The following FBXW10B variants were observed in gnomAD, a reference collection of about 807,000 sequenced individuals.
The protein encoded by FBXW10B is F-box and WD repeat domain containing 10B.
the FBXW10B span, among the ~76,000 whole-genome samples, chr17:15,584,168 G>A: frequency 5.3e-5 from 8 of 152,106 alleles, no homozygotes; most frequent in African/African-American, 7.2e-5. Context: ...ATCCCAACAC[G>A]CTTTTTGATT....
chr17:15,579,146 A>AAAATAAATAAAT, the FBXW10B span, among the ~76,000 whole-genome samples: 557 of 144,816 alleles, frequency 3.8e-3, 10 homozygotes, highest in Admixed American at 0.015. Flanking sequence ...CCCATTTCTT[A>AAAATAAATAAAT]AAATAAATAA....
the FBXW10B span, among the ~76,000 whole-genome samples, chr17:15,612,312 C>T: frequency 6.6e-6 from 1 of 151,658 alleles, no homozygotes; most frequent in Non-Finnish European, 1.5e-5. Context: ...TCAAGACCAT[C>T]GGGGCTAACA....
At chr17:15,579,733 G>T in the FBXW10B span, among the ~76,000 whole-genome samples, 33 of 151,678 alleles carry the variant, frequency 2.2e-4, no homozygotes, top group Non-Finnish European at 4.4e-5. Context: ...TAACAGAAAG[G>T]CCACATTTTT....
the FBXW10B span, among the ~76,000 whole-genome samples, chr17:15,581,950 G>A: frequency 0.2 from 29,722 of 149,978 alleles, 2,584 homozygotes; most frequent in Middle Eastern, 0.24. Context: ...AGATGTCAGA[G>A]TAACACTTGA....
the FBXW10B span, among the ~76,000 whole-genome samples, chr17:15,592,875 C>T: frequency 2.0e-5 from 3 of 152,068 alleles, no homozygotes; most frequent in Non-Finnish European, 4.4e-5. Flanking sequence ...GAGGCCGTGA[C>T]GGGTGGATCA....
the FBXW10B span, chr17:15,605,502 T>C: frequency 2.4e-6 from 3 of 1,228,284 alleles, no homozygotes. Context: ...CCATGACTTT[T>C]GCCTACAGCA....
At chr17:15,590,112 A>G in the FBXW10B span, among the ~76,000 whole-genome samples, 47 of 149,888 alleles carry the variant, frequency 3.1e-4, no homozygotes, top group African/African-American at 1.1e-3. Context: ...ACCGCTCATG[A>G]GCTGTGCATC....
chr17:15,606,393 G>T, the FBXW10B span, among the ~76,000 whole-genome samples: 8 of 147,196 alleles, frequency 5.4e-5, no homozygotes, highest in Non-Finnish European at 1.5e-5. Flanking sequence ...CAGGCGTGGT[G>T]GCATGTGCCT....
At chr17:15,587,418 A>G in the FBXW10B span, among the ~76,000 whole-genome samples, 7 of 151,550 alleles carry the variant, frequency 4.6e-5, no homozygotes, top group African/African-American at 1.7e-4. Context: ...TCAAAATTCC[A>G]TTCTGTTGGG....
At chr17:15,619,563 G>A in the FBXW10B span, 51 of 1,582,954 alleles carry the variant, frequency 3.2e-5, no homozygotes, top group Non-Finnish European at 3.9e-5. Context: ...CAACGGCAAC[G>A]CCACCAAACA....
chr17:15,592,563 A>G, the FBXW10B span, among the ~76,000 whole-genome samples: 1 of 152,080 alleles, frequency 6.6e-6, no homozygotes, highest in Admixed American at 6.5e-5. Flanking sequence ...GCAGTCAGTC[A>G]TGGTACTGGT....
chr17:15,606,043 T>G, the FBXW10B span, among the ~76,000 whole-genome samples: 1 of 140,524 alleles, frequency 7.1e-6, no homozygotes, highest in African/African-American at 2.8e-5. Context: ...AAACTGAGAG[T>G]TTTTTATTGT....
At chr17:15,581,959 G>C in the FBXW10B span, among the ~76,000 whole-genome samples, 1 of 151,612 alleles carries the variant, frequency 6.6e-6, no homozygotes, top group African/African-American at 2.4e-5. Flanking sequence ...AGTAACACTT[G>C]AACTGGAAGC....
At chr17:15,613,757 A>G in the FBXW10B span, 1 of 1,613,678 alleles carries the variant, frequency 6.2e-7, no homozygotes, top group Non-Finnish European at 8.5e-7. Flanking sequence ...AAAAAAAAAA[A>G]AGATGGACCC....
At chr17:15,609,743 G>C in the FBXW10B span, among the ~76,000 whole-genome samples, 2 of 151,216 alleles carry the variant, frequency 1.3e-5, no homozygotes, top group African/African-American at 2.4e-5. Flanking sequence ...ACTCACCTCC[G>C]CTTTTCCCAG....
At chr17:15,612,671 C>A in the FBXW10B span, 1 of 1,613,826 alleles carries the variant, frequency 6.2e-7, no homozygotes, top group Non-Finnish European at 8.5e-7. Context: ...ACGCTCACAG[C>A]TACTTGCCCC....
the FBXW10B span, chr17:15,613,012 T>C: frequency 3.9e-6 from 1 of 255,912 alleles, no homozygotes; most frequent in South Asian, 1.5e-4. Flanking sequence ...AGGAGAAAAA[T>C]AAACACCAAA....
the FBXW10B span, among the ~76,000 whole-genome samples, chr17:15,575,242 G>T: frequency 6.8e-6 from 1 of 147,520 alleles, no homozygotes; most frequent in African/African-American, 2.7e-5. Flanking sequence ...GTTTCCGGGG[G>T]TCCTTGGGAC....
chr17:15,570,305 T>C, the FBXW10B span, among the ~76,000 whole-genome samples: 24 of 152,334 alleles, frequency 1.6e-4, 1 homozygote, highest in South Asian at 4.6e-3. Flanking sequence ...AGAGACACGC[T>C]GTAGACCTTG....
Sources: gnomAD v4.1 joint callset for allele counts (sites outside exome capture counted in the v4.1 genomes callset) on GRCh38, gnomAD v4.1.1 for gene constraint, MANE v1.5 for transcripts, NCBI Gene and HGNC (gene_info 2026-07-23, HGNC 2026-07-21) for gene names.